Variants in SDK1 observed in about 807,000 individuals in gnomAD.
SDK1 encodes protein sidekick-1.
SDK1 carries 157 observed loss-of-function variants against 245.5 expected under a neutral mutation model. The ratio of observed to expected loss-of-function variants is 0.64; its 90% CI spans 0.56 to 0.73. SDK1 has a LOEUF of 0.73. Ranked by LOEUF, SDK1 falls within the 30% of genes least tolerant of loss-of-function variation. The pLI, the probability that SDK1 is intolerant of heterozygous loss-of-function variation, is 0.00. For missense variants in SDK1, 3,583 were observed against 3,002.3 expected (o/e 1.19, Z -4.52); for synonymous variants, 1,647 against 1,278.5 (o/e 1.29, Z -6.15).
intron 4 of SDK1, among the ~76,000 whole-genome samples, chr7:3,682,388 C>G (rs540812404): frequency 3.9e-5 from 6 of 152,172 alleles, no homozygotes; most frequent in Admixed American, 2.0e-4. Flanking sequence ...TTAACATTTC[C>G]AGAGGGGAAG....
intron 1 of SDK1, among the ~76,000 whole-genome samples, chr7:3,331,034 G>A (rs1780056201): frequency 6.6e-6 from 1 of 152,086 alleles, no homozygotes; most frequent in Non-Finnish European, 1.5e-5. Flanking sequence ...GGGAGGCCAA[G>A]GCAGGTGGAT....
chr7:3,311,666 C>T (rs562935269), intron 1 of SDK1, among the ~76,000 whole-genome samples: 3 of 152,230 alleles, frequency 2.0e-5, no homozygotes, highest in East Asian at 3.9e-4. Context: ...TCATATGTTG[C>T]GACTCGTGGA....
chr7:3,617,241 A>T (rs1449510378), intron 1 of SDK1, among the ~76,000 whole-genome samples: 2 of 152,190 alleles, frequency 1.3e-5, no homozygotes, highest in African/African-American at 4.8e-5. Flanking sequence ...CATTCAACAG[A>T]TATTTATTAG....
In SDK1 at chr7:3,481,361, C is replaced by T. The variant is rs57075167; in HGVS notation, c.299-137719C>T. Among the ~76,000 whole-genome samples the T allele has an allele frequency of 5.4e-3, 819 of 152,224 alleles. 6 individuals are homozygous for T. The highest frequency in any genetic ancestry group is 0.019 in the African/African-American group (785 of 41,528). On this transcript the variant is annotated intron_variant, in intron 1 of 44. Transcript: ENST00000404826. ...ACTGCATATCATCCTGGTACAGTTT[C>T]GTTTATTGAGTGTGATAGATTTAAA...
intron 5 of SDK1, among the ~76,000 whole-genome samples, chr7:3,885,420 C>T (rs1200250386): frequency 2.0e-5 from 3 of 152,152 alleles, no homozygotes; most frequent in Admixed American, 1.3e-4. Flanking sequence ...GCAGCCCTCT[C>T]TGATGATTTA....
rs761639037 is a variant in SDK1 at position 3,962,859 on chromosome 7, C to T, written c.1429+8C>T. On this transcript the variant is annotated splice_region_variant and intron_variant, in intron 9 of 44. Coordinates refer to ENST00000404826, the MANE Select transcript of SDK1 (RefSeq NM_152744.4). ...CCTACCTGGATGTAACCAGTGAGTA[C>T]ACCCAGGCCCACAGCTACCTGACCT... The T allele has an allele frequency of 2.6e-5, 42 of 1,604,734 alleles. No homozygotes were observed. Among genetic ancestry groups the T allele is most frequent in the Admixed American group, 3.4e-5 (2 of 59,208 alleles).
chr7:3,713,872 C>T (rs976445277), intron 4 of SDK1, among the ~76,000 whole-genome samples: 21 of 152,172 alleles, frequency 1.4e-4, no homozygotes, highest in African/African-American at 5.1e-4. Flanking sequence ...TGATTAAAAA[C>T]AAAACCGAGA....
intron 2 of SDK1, among the ~76,000 whole-genome samples, chr7:3,633,396 A>G (rs780296909): frequency 1.3e-5 from 2 of 152,192 alleles, no homozygotes; most frequent in Non-Finnish European, 2.9e-5. Flanking sequence ...TGTAACAGGT[A>G]GATTCGGTCA....
chr7:4,028,034 G>A lies in SDK1; in HGVS notation c.2602+10682G>A, dbSNP rs181832287. The stretch of plus-strand genomic sequence containing the variant: ...GTAGGCAATTAGGTAAGAAGGGGAG[G>A]AGGAAGGAAGGGAGGAGAAAATAAG... On this transcript the variant is annotated intron_variant, in intron 17 of 44. Transcript: ENST00000404826. Among the ~76,000 whole-genome samples, 5 of 152,180 alleles carry A rather than the reference G, an allele frequency of 3.3e-5. No individual in the cohort carries two copies. In the East Asian group the frequency reaches 9.7e-4, roughly 29 times the overall value.
chr7:3,639,602 T>C (rs1583258117), intron 3 of SDK1, among the ~76,000 whole-genome samples: 1 of 152,134 alleles, frequency 6.6e-6, no homozygotes, highest in African/African-American at 2.4e-5. Context: ...ATTCAGCAGA[T>C]CCATTTTGGA....
At chr7:4,234,709 A>G (rs1388479368) in intron 41 of SDK1, among the ~76,000 whole-genome samples, 2 of 152,176 alleles carry the variant, frequency 1.3e-5, no homozygotes, top group Non-Finnish European at 2.9e-5. Flanking sequence ...CTCACCCCAG[A>G]CAGTGACTTC....
chr7:4,174,118 C>A, intron 32 of SDK1, 104 bp from the exon 33 acceptor site: 2 of 1,323,590 alleles, frequency 1.5e-6, no homozygotes, highest in South Asian at 1.3e-5. Context: ...CCACGACTTT[C>A]TTCTGTGCAG....
intron 38 of SDK1, among the ~76,000 whole-genome samples, chr7:4,215,956 C>T (rs1371028199): frequency 1.3e-5 from 2 of 152,164 alleles, no homozygotes; most frequent in Non-Finnish European, 2.9e-5. Context: ...CAGCCTCACA[C>T]AGGGAGCAAG....
chr7:3,858,116 A>T (rs559913736), intron 5 of SDK1, among the ~76,000 whole-genome samples: 10 of 152,240 alleles, frequency 6.6e-5, no homozygotes, highest in Non-Finnish European at 1.3e-4. Context: ...TATTCATGCT[A>T]TGGAATACAA....
chr7:4,242,105 G>A (rs1786562475), intron 43 of SDK1, among the ~76,000 whole-genome samples, 192 bp downstream of exon 43: 3 of 152,150 alleles, frequency 2.0e-5, no homozygotes, highest in Admixed American at 6.5e-5. Context: ...TCGGCAGAGC[G>A]GCTGGAAATA....
intron 1 of SDK1, among the ~76,000 whole-genome samples, chr7:3,524,086 A>G (rs948779030): frequency 3.3e-5 from 5 of 152,216 alleles, no homozygotes; most frequent in African/African-American, 1.2e-4. Context: ...CCTGAGAAGA[A>G]GACATTTAAG....
intron 1 of SDK1, among the ~76,000 whole-genome samples, chr7:3,609,944 G>A (rs530298734): frequency 9.9e-5 from 15 of 151,894 alleles, no homozygotes; most frequent in African/African-American, 2.9e-4. Context: ...CAGGTGATCC[G>A]CCCACCTCAG....
intron 1 of SDK1, among the ~76,000 whole-genome samples, chr7:3,557,276 C>T (rs1298419202): frequency 6.6e-6 from 1 of 152,112 alleles, no homozygotes; most frequent in Non-Finnish European, 1.5e-5. Context: ...AGTACAGATC[C>T]TAAAGCCACT....
chr7:3,691,621 A>G (rs554904847), intron 4 of SDK1, among the ~76,000 whole-genome samples: 1 of 116,396 alleles, frequency 8.6e-6, no homozygotes, highest in African/African-American at 3.3e-5. Context: ...ATTATCTACC[A>G]TGATGCATTG....
Sources: gnomAD v4.1 joint callset for allele counts (sites outside exome capture counted in the v4.1 genomes callset) on GRCh38, gnomAD v4.1.1 for gene constraint, MANE v1.5 for transcripts, NCBI Gene and HGNC (gene_info 2026-07-23, HGNC 2026-07-21) for gene names.